CELF2: variants seen among roughly 807,000 people sequenced by gnomAD.
CELF2 encodes the protein CUGBP Elav-like family member 2, also known as CUG triplet repeat RNA-binding protein 2.
A neutral mutation model predicts 62.6 loss-of-function variants in CELF2; 8 were observed. That is an observed-to-expected ratio of 0.13 (90% CI 0.07 to 0.23). The LOEUF is 0.23. CELF2 is among the 10% of genes least tolerant of loss of function. CELF2 has a pLI of 1.00. For missense variants in CELF2, 333 were observed against 671.0 expected (o/e 0.50, Z 5.56); for synonymous variants, 258 against 250.0 (o/e 1.03, Z -0.30).
the CELF2 span, among the ~76,000 whole-genome samples, chr10:10,491,554 A>G: frequency 2.0e-5 from 3 of 152,278 alleles, no homozygotes; most frequent in South Asian, 6.2e-4. Context: ...TTCTCAGCTC[A>G]ACTGCATGAA....
chr10:11,225,957 T>A (rs1475284406), intron 3 of CELF2, among the ~76,000 whole-genome samples: 1 of 152,142 alleles, frequency 6.6e-6, no homozygotes, highest in Non-Finnish European at 1.5e-5. Flanking sequence ...TTCTCTGACC[T>A]CCCTAAGCAA....
At position 11,329,192 on chromosome 10, in the gene CELF2, G is replaced by T. The variant is rs576666724; in HGVS notation, c.*139G>T. 9 of 854,642 alleles carry T rather than the reference G, an allele frequency of 1.1e-5. No homozygotes were observed. The highest frequency in any genetic ancestry group is 2.2e-5 in the South Asian group (1 of 45,914). The allele number at this position is 854,642 out of a possible 1,614,324, so 52.9% of individuals were successfully genotyped here. On this transcript the variant is annotated 3_prime_UTR_variant, in exon 13 of 13. Coordinates refer to ENST00000633077, the MANE Select transcript of CELF2 (RefSeq NM_001326342.2). This position sits in a 1 kb window ranked among gnomAD's most constrained non-coding sequence, Gnocchi z 5.5. Reference sequence around the variant, plus strand: ...GAGAGACGGTTATTTTTACAATAAGGCCTCCATGTCCCCACCCACTTCCCC... The same window carrying T: ...GAGAGACGGTTATTTTTACAATAAGTCCTCCATGTCCCCACCCACTTCCCC...
At chr10:10,795,657 A>T (rs966099033), upstream of CELF2, among the ~76,000 whole-genome samples, 2 of 152,212 alleles carry the variant, frequency 1.3e-5, no homozygotes, top group Non-Finnish European at 2.9e-5. Flanking sequence ...TGAAATACTT[A>T]GGGAAAAGGA....
chr10:11,240,275 C>T (rs2073355130), intron 3 of CELF2, among the ~76,000 whole-genome samples: 1 of 152,142 alleles, frequency 6.6e-6, no homozygotes, highest in African/African-American at 2.4e-5. Context: ...CATAGTAGGG[C>T]CTTTTGACAT....
intron 2 of CELF2, among the ~76,000 whole-genome samples, chr10:10,937,939 ATTGTCT>A (rs1165548670): frequency 6.6e-6 from 1 of 152,196 alleles, no homozygotes; most frequent in East Asian, 1.9e-4. Context: ...AGGTGTTAAA[ATTGTCT>A]TTGTTTTATT....
At chr10:11,249,302 T>A in intron 4 of CELF2, 101 bp downstream of exon 4, 1 of 933,784 alleles carries the variant, frequency 1.1e-6, no homozygotes, top group Non-Finnish European at 1.8e-6. Flanking sequence ...CTTTTCTCTC[T>A]AGAGGACAGA....
Position 10,934,818 on chromosome 10 carries a change from A to T in CELF2, c.89+14819A>T, listed in dbSNP as rs999928031. ...TTTGCATGGAGGTTCGGTTGAAGTC[A>T]TTTGGCACACCCAAATGGGTTTTGC... On this transcript the variant is annotated intron_variant, in intron 2 of 13. Transcript: ENST00000636488. The surrounding 1 kb of genome is among the most constrained non-coding windows in gnomAD (Gnocchi z 4.4). 5 of 152,198 alleles carry T rather than the reference A, an allele frequency of 3.3e-5. No individual in the cohort carries two copies. Among genetic ancestry groups the T allele is most frequent in the African/African-American group, 1.2e-4 (5 of 41,456 alleles). 9.4% of individuals were successfully genotyped at this position (152,198 alleles called of 1,614,324 possible). A position where few individuals can be genotyped will look rare whatever the true frequency, so the allele number is the denominator to read the frequency against.
chr10:11,286,100 G>A (rs2091224111), intron 8 of CELF2, among the ~76,000 whole-genome samples: 1 of 152,206 alleles, frequency 6.6e-6, no homozygotes, highest in Admixed American at 6.5e-5. Flanking sequence ...ATGGGATGGG[G>A]CAGAAGGCTC....
At chr10:11,186,296 C>CT (rs57327671) in intron 2 of CELF2, among the ~76,000 whole-genome samples, 23,501 of 115,328 alleles carry the variant, frequency 0.2, 2,848 homozygotes, top group East Asian at 0.6. Context: ...GGTTTTGTTG[C>CT]TTTTTTTTTT....
chr10:11,040,037 C>T (rs2061552768), intron 1 of CELF2, among the ~76,000 whole-genome samples: 1 of 152,100 alleles, frequency 6.6e-6, no homozygotes, highest in Non-Finnish European at 1.5e-5. Flanking sequence ...AGTTCAGTGT[C>T]TCGTAGGAAA....
At chr10:10,728,289 A>T in the CELF2 span, among the ~76,000 whole-genome samples, 15 of 151,284 alleles carry the variant, frequency 9.9e-5, no homozygotes, top group African/African-American at 3.6e-4. Flanking sequence ...AATTAAAAAA[A>T]AAAAAATACA....
the CELF2 span, among the ~76,000 whole-genome samples, chr10:10,770,452 T>C: frequency 6.6e-6 from 1 of 151,886 alleles, no homozygotes; most frequent in Non-Finnish European, 1.5e-5. Flanking sequence ...TGCAGGGTAT[T>C]TGAAGCAGCT....
intron 2 of CELF2, among the ~76,000 whole-genome samples, chr10:10,999,154 G>A (rs989012891): frequency 3.3e-5 from 5 of 152,002 alleles, no homozygotes; most frequent in South Asian, 2.1e-4. Context: ...ATGACTCCTC[G>A]TTGAGCGTGG....
intron 3 of CELF2, among the ~76,000 whole-genome samples, chr10:11,240,318 C>T (rs999078150): frequency 4.6e-5 from 7 of 152,252 alleles, no homozygotes; most frequent in Admixed American, 1.3e-4. Flanking sequence ...GAGTGGTCTT[C>T]ACTTTGATTC....
the CELF2 span, among the ~76,000 whole-genome samples, chr10:10,578,213 T>A: frequency 2.6e-5 from 4 of 152,174 alleles, no homozygotes; most frequent in Non-Finnish European, 5.9e-5. Flanking sequence ...GGGTTGTTTG[T>A]TTTTTTCTTG....
chr10:10,788,314 T>A, the CELF2 span, among the ~76,000 whole-genome samples: 222 of 151,892 alleles, frequency 1.5e-3, no homozygotes, highest in African/African-American at 5.2e-3. Context: ...TAGAATAATA[T>A]GAGAATGGTC....
chr10:10,595,521 G>A, the CELF2 span, among the ~76,000 whole-genome samples: 77 of 152,252 alleles, frequency 5.1e-4, no homozygotes, highest in African/African-American at 1.8e-3. Context: ...AAACAAGGAT[G>A]GGGTGGAAGC....
Position 11,280,972 on chromosome 10 carries a change from G to A in CELF2, c.841+5852G>A, listed in dbSNP as rs74115816. Among the ~76,000 whole-genome samples, 343 of 149,086 alleles carry A rather than the reference G, an allele frequency of 2.3e-3. 5 individuals carry two copies. The highest frequency in any genetic ancestry group is 8.1e-3 in the African/African-American group (325 of 40,078). On this transcript the variant is annotated intron_variant, in intron 8 of 12. Transcript: ENST00000633077. The surrounding 1 kb of genome is among the most constrained non-coding windows in gnomAD (Gnocchi z 7.6). Reference sequence around the variant, plus strand: ...CTGGCTGCTTCTGATGCTGGCGTGCGTGTGCATGCCTGTGTGCGTGTGTGT... The same window carrying A: ...CTGGCTGCTTCTGATGCTGGCGTGCATGTGCATGCCTGTGTGCGTGTGTGT...
the CELF2 span, among the ~76,000 whole-genome samples, chr10:10,759,929 G>C: frequency 6.6e-6 from 1 of 151,944 alleles, no homozygotes; most frequent in African/African-American, 2.4e-5. Flanking sequence ...TTTTGAGATG[G>C]AGTTTCGCTC....
Sources: gnomAD v4.1 joint callset for allele counts (sites outside exome capture counted in the v4.1 genomes callset) on GRCh38, gnomAD v4.1.1 for gene constraint, Gnocchi (gnomAD v3.1) non-coding constraint, MANE v1.5 for transcripts, NCBI Gene and HGNC (gene_info 2026-07-23, HGNC 2026-07-21) for gene names.